The following ARMH3 variants were observed in gnomAD, a reference collection of about 807,000 sequenced individuals.
ARMH3 encodes the protein armadillo like helical domain containing 3.
A neutral mutation model predicts 99.1 loss-of-function variants in ARMH3; 60 were observed. The ratio of observed to expected loss-of-function variants is 0.61; its 90% CI spans 0.49 to 0.75. The LOEUF is 0.75. Ranked by LOEUF, ARMH3 falls within the 30% of genes least tolerant of loss-of-function variation. The pLI is 0.00. For synonymous variants in ARMH3, 285 were observed against 292.8 expected, an observed-to-expected ratio of 0.97 and a Z score of 0.27; for missense variants, 679 against 843.1, an observed-to-expected ratio of 0.81 and a Z score of 2.41.
chr10:102,006,594 G>A lies in ARMH3; in HGVS notation c.994C>T (p.Pro332Ser), dbSNP rs758007965. Residue 332 changes from proline to serine, a missense_variant, in exon 14 of 26, where the codon CCT (proline) becomes TCT (serine). This residue lies in a region of ARMH3 where 389 missense variants were observed against 456.5 expected (regional missense o/e 0.85). Transcript: ENST00000370033. ...GGTGTGACTGGGGTTGTAGGAGCAG[G>A]ACTGACAGGGGTCGTCACCAAGCCC... ...EMGLVTTPVS[P>S]APTTPVTPLG... The A allele has an allele frequency of 2.4e-5, 38 of 1,613,962 alleles. No homozygotes were observed. Among genetic ancestry groups the A allele is most frequent in the Non-Finnish European group, 3.1e-5 (37 of 1,179,958 alleles).
At chr10:102,004,819 C>T (rs777974207) in intron 14 of ARMH3, among the ~76,000 whole-genome samples, 8 of 152,140 alleles carry the variant, frequency 5.3e-5, no homozygotes, top group Admixed American at 1.3e-4. Context: ...GGTGTAATCC[C>T]AGCACTTTGG....
At chr10:101,955,428 G>C (rs1844985981) in intron 22 of ARMH3, among the ~76,000 whole-genome samples, 1 of 152,030 alleles carries the variant, frequency 6.6e-6, no homozygotes, top group Admixed American at 6.6e-5. Context: ...ACTAATACAA[G>C]GCCCTACTTG....
intron 19 of ARMH3, among the ~76,000 whole-genome samples, chr10:101,982,446 T>C (rs1385633937): frequency 4.6e-5 from 7 of 152,090 alleles, no homozygotes; most frequent in African/African-American, 1.2e-4. Context: ...AATCAATACA[T>C]ACATGGAAAA....
intron 23 of ARMH3, among the ~76,000 whole-genome samples, chr10:101,890,758 C>A: frequency 6.6e-6 from 1 of 152,054 alleles, no homozygotes. Context: ...CCAGTGATAT[C>A]ATGTAGATAC....
At chr10:101,973,805 C>T (rs1398462212) in intron 20 of ARMH3, among the ~76,000 whole-genome samples, 1 of 152,160 alleles carries the variant, frequency 6.6e-6, no homozygotes, top group Non-Finnish European at 1.5e-5. Context: ...TTGTTTAGTA[C>T]TACAATGTGT....
At chr10:101,995,972 A>G (rs990355661) in intron 15 of ARMH3, among the ~76,000 whole-genome samples, 2 of 152,250 alleles carry the variant, frequency 1.3e-5, no homozygotes, top group Non-Finnish European at 2.9e-5. Flanking sequence ...AAGGCACTAG[A>G]GATATAGCAC....
At chr10:101,988,403 A>ATCAT (rs992251281) in intron 19 of ARMH3, among the ~76,000 whole-genome samples, 1 of 152,236 alleles carries the variant, frequency 6.6e-6, no homozygotes, top group African/African-American at 2.4e-5. Context: ...GAACCCTAAG[A>ATCAT]TAATGAAGTT....
At chr10:101,908,552 C>A (rs1842730628) in intron 23 of ARMH3, among the ~76,000 whole-genome samples, 1 of 152,160 alleles carries the variant, frequency 6.6e-6, no homozygotes, top group African/African-American at 2.4e-5. Context: ...AGCAAATGTC[C>A]CCCAGAGGGT....
At chr10:101,872,130 A>C (rs991457890) in intron 24 of ARMH3, among the ~76,000 whole-genome samples, 2 of 152,136 alleles carry the variant, frequency 1.3e-5, no homozygotes, top group South Asian at 4.1e-4. Flanking sequence ...TTAAGTTAAA[A>C]TTGATCTTAA....
At chr10:101,912,254 G>A (rs1316587995) in intron 23 of ARMH3, among the ~76,000 whole-genome samples, 3 of 151,660 alleles carry the variant, frequency 2.0e-5, no homozygotes, top group Non-Finnish European at 4.4e-5. Flanking sequence ...TTAGCCGGGT[G>A]TGGTGGTGGG....
chr10:102,055,336 T>A (rs892365406), intron 1 of ARMH3, among the ~76,000 whole-genome samples: 1 of 151,766 alleles, frequency 6.6e-6, no homozygotes, highest in Admixed American at 6.6e-5. Context: ...TAAAATAAAA[T>A]AAAAAACTTT....
intron 19 of ARMH3, among the ~76,000 whole-genome samples, chr10:101,988,090 G>A (rs2135990215): frequency 6.6e-6 from 1 of 152,274 alleles, no homozygotes; most frequent in Admixed American, 6.5e-5. Context: ...ACTGTGAGGT[G>A]ATAAATGTTT....
chr10:101,891,091 T>C (rs2067678247), intron 23 of ARMH3, among the ~76,000 whole-genome samples: 1 of 152,004 alleles, frequency 6.6e-6, no homozygotes, highest in South Asian at 2.1e-4. Context: ...CCCAGGCTGG[T>C]CTCAAACTCC....
chr10:101,990,093 G>A (rs78752591), intron 19 of ARMH3, among the ~76,000 whole-genome samples: 367 of 151,822 alleles, frequency 2.4e-3, no homozygotes, highest in African/African-American at 6.3e-3. Context: ...CTGAAAAGAT[G>A]TACAGATCCA....
intron 15 of ARMH3, 58 bp from the exon 16 acceptor site, chr10:101,995,413 C>G: frequency 7.4e-7 from 1 of 1,358,718 alleles, no homozygotes; most frequent in Non-Finnish European, 1.0e-6. Context: ...TCATCTGTTT[C>G]AATACAGAAC....
At chr10:101,923,516 C>G (rs1234057026) in intron 23 of ARMH3, among the ~76,000 whole-genome samples, 1 of 152,148 alleles carries the variant, frequency 6.6e-6, no homozygotes, top group Non-Finnish European at 1.5e-5. Context: ...ACACTTTTCC[C>G]TCCCTAAGGA....
At chr10:101,916,360 C>T (rs761438364) in intron 23 of ARMH3, among the ~76,000 whole-genome samples, 1 of 151,998 alleles carries the variant, frequency 6.6e-6, no homozygotes, top group Non-Finnish European at 1.5e-5. Context: ...CAACCTACCC[C>T]CCACCCCCAT....
intron 13 of ARMH3, among the ~76,000 whole-genome samples, chr10:102,007,702 A>G (rs2066532764): frequency 6.7e-6 from 1 of 148,488 alleles, no homozygotes; most frequent in African/African-American, 2.5e-5. Context: ...GTGTGGTGGC[A>G]GGCACCTGTA....
chr10:102,041,048 T>C (rs1285826986), intron 1 of ARMH3, among the ~76,000 whole-genome samples: 2 of 144,704 alleles, frequency 1.4e-5, no homozygotes, highest in Admixed American at 7.0e-5. Context: ...TAGAGTAATA[T>C]ACTACTTTCA....
Sources: allele counts gnomAD v4.1 joint callset (sites outside exome capture counted in the v4.1 genomes callset), GRCh38; gene constraint gnomAD v4.1.1; regional missense constraint gnomAD v4.1.1; transcripts MANE v1.5; gene names NCBI Gene and HGNC (gene_info 2026-07-23, HGNC 2026-07-21).